The following PTPN2 variants were observed in gnomAD, a reference collection of about 807,000 sequenced individuals.
PTPN2 encodes the protein tyrosine-protein phosphatase non-receptor type 2.
PTPN2 carries 19 observed loss-of-function variants against 57.3 expected under a neutral mutation model. That is an observed-to-expected ratio of 0.33 (90% CI 0.23 to 0.49). PTPN2 has a LOEUF of 0.49. Ranked by LOEUF, PTPN2 falls within the 20% of genes least tolerant of loss-of-function variation. The pLI is 0.99. For missense variants in PTPN2, 358 were observed against 501.1 expected, an observed-to-expected ratio of 0.71 and a Z score of 2.73; for synonymous variants, 153 against 164.9, an observed-to-expected ratio of 0.93 and a Z score of 0.55.
At chr18:12,868,408 C>T (rs911159315) in intron 1 of PTPN2, among the ~76,000 whole-genome samples, 2 of 151,996 alleles carry the variant, frequency 1.3e-5, no homozygotes, top group East Asian at 2.0e-4. Flanking sequence ...GTGCACATCA[C>T]CATGCCTGGC....
intron 7 of PTPN2, among the ~76,000 whole-genome samples, chr18:12,811,865 CAACCCA>C (rs142887916): frequency 0.15 from 23,560 of 152,146 alleles, 1,995 homozygotes; most frequent in African/African-American, 0.21. Context: ...CACGTTGCAC[CAACCCA>C]TGAGTCACTG....
In PTPN2 at chr18:12,792,308, A is replaced by C; in HGVS notation, c.*1970T>G. The stretch of plus-strand genomic sequence containing the variant: ...TTTTTTTTTTTTTTTTTTTGAGACG[A>C]AGTCTTGCTCTGTTGCCAGGCTGGA... On this transcript the variant is annotated 3_prime_UTR_variant, in exon 9 of 9. Coordinates refer to ENST00000309660, the MANE Select transcript of PTPN2 (RefSeq NM_002828.4). The C allele has an allele frequency of 1.3e-6, 1 of 793,648 alleles. No homozygotes were observed. The highest frequency in any genetic ancestry group is 5.6e-5 in the South Asian group (1 of 17,834). The allele number at this position is 793,648 out of a possible 1,614,324, so 49.2% of individuals were successfully genotyped here.
rs2041869724 is a variant in PTPN2 at position 12,810,917 on chromosome 18, T to C, written c.858+3286A>G. Among the ~76,000 whole-genome samples, 2 of 152,170 alleles carry C rather than the reference T, an allele frequency of 1.3e-5. 1 individual carries two copies. Among genetic ancestry groups the C allele is most frequent in the South Asian group, 4.2e-4 (2 of 4,818 alleles). ...ACAATATAATGGAACACAGGAGTAA[T>C]TAAGGATGTCTTCACTTAGATGACT... On this transcript the variant is annotated intron_variant, in intron 7 of 8. Transcript: ENST00000309660.
At chr18:12,845,161 G>T (rs979418235) in intron 2 of PTPN2, among the ~76,000 whole-genome samples, 2 of 152,026 alleles carry the variant, frequency 1.3e-5, no homozygotes, top group Non-Finnish European at 2.9e-5. Flanking sequence ...CCACATAAAA[G>T]AATAAGCTTG....
At position 12,794,199 on chromosome 18, in the gene PTPN2, T is replaced by C. The variant is rs2041076901; in HGVS notation, c.*79A>G. 2 of 1,580,504 alleles carry C rather than the reference T, an allele frequency of 1.3e-6. No homozygotes were observed. Among genetic ancestry groups the C allele is most frequent in the African/African-American group, 2.7e-5 (2 of 73,428 alleles). ...TGCACCGTTTTTGGGATATGAGGCG[T>C]TTGCTGCAGACAAACCCCTATGATT... On this transcript the variant is annotated 3_prime_UTR_variant, in exon 9 of 9. Transcript: ENST00000309660.
chr18:12,790,752 A>G, downstream of PTPN2, among the ~76,000 whole-genome samples: 1 of 152,214 alleles, frequency 6.6e-6, no homozygotes, highest in East Asian at 1.9e-4. Context: ...CATACCACCA[A>G]CTTTAGTTTA....
downstream of PTPN2, among the ~76,000 whole-genome samples, chr18:12,791,817 G>A (rs1257169002): frequency 1.3e-5 from 2 of 152,106 alleles, no homozygotes; most frequent in African/African-American, 4.8e-5. Context: ...AGCCAATGAA[G>A]CGCATTCAGC....
intron 8 of PTPN2, among the ~76,000 whole-genome samples, chr18:12,800,374 C>G (rs1226065999): frequency 6.6e-6 from 1 of 151,910 alleles, no homozygotes; most frequent in East Asian, 1.9e-4. Context: ...GGGGAAAAAG[C>G]AGTAACACTA....
intron 1 of PTPN2, among the ~76,000 whole-genome samples, chr18:12,873,865 A>G (rs1042861609): frequency 6.9e-6 from 1 of 144,414 alleles, no homozygotes; most frequent in Non-Finnish European, 1.5e-5. Flanking sequence ...CCGGCTGCCC[A>G]TCGTCTGAGA....
intron 4 of PTPN2, among the ~76,000 whole-genome samples, chr18:12,826,453 T>C (rs190044954): frequency 1.3e-5 from 2 of 152,328 alleles, no homozygotes; most frequent in East Asian, 3.9e-4. Context: ...TTTTTATGTG[T>C]GTGCAGTCAT....
chr18:12,848,283 T>G (rs2043280278), intron 2 of PTPN2, among the ~76,000 whole-genome samples: 1 of 152,224 alleles, frequency 6.6e-6, no homozygotes, highest in Admixed American at 6.5e-5. Context: ...TAATAATTCT[T>G]TGACTTGTCT....
At chr18:12,815,398 G>A (rs558144250) in intron 6 of PTPN2, among the ~76,000 whole-genome samples, 16 of 151,720 alleles carry the variant, frequency 1.1e-4, no homozygotes, top group Non-Finnish European at 1.9e-4. Flanking sequence ...GCAACAGAGC[G>A]AAACTTCGTC....
intron 7 of PTPN2, among the ~76,000 whole-genome samples, chr18:12,806,308 A>G: frequency 6.6e-6 from 1 of 152,204 alleles, no homozygotes; most frequent in East Asian, 1.9e-4. Context: ...AAAAAGTTGA[A>G]GAGGACACAA....
chr18:12,847,812 G>A (rs1015344229), intron 2 of PTPN2, among the ~76,000 whole-genome samples: 1 of 151,350 alleles, frequency 6.6e-6, no homozygotes, highest in African/African-American at 2.4e-5. Context: ...AGTAGAGACG[G>A]GGTTTCACCA....
intron 2 of PTPN2, among the ~76,000 whole-genome samples, chr18:12,856,814 C>T (rs1359178839): frequency 6.6e-6 from 1 of 151,952 alleles, no homozygotes. Context: ...AATCCCAGCA[C>T]TTTGGGAGAC....
chr18:12,808,427 T>C (rs1302981321), intron 7 of PTPN2, among the ~76,000 whole-genome samples: 1 of 152,140 alleles, frequency 6.6e-6, no homozygotes, highest in African/African-American at 2.4e-5. Context: ...GGTCATTACA[T>C]AAATGTATCA....
intron 4 of PTPN2, 76 bp from the exon 5 acceptor site, chr18:12,826,020 C>A: frequency 8.0e-7 from 1 of 1,248,428 alleles, no homozygotes; most frequent in South Asian, 1.5e-5. Context: ...AAAATGAAAA[C>A]AAACCAGATA....
chr18:12,797,964 G>A (rs567285972), intron 8 of PTPN2, among the ~76,000 whole-genome samples: 30 of 152,240 alleles, frequency 2.0e-4, no homozygotes, highest in Non-Finnish European at 3.7e-4. Flanking sequence ...AGGCTCAAGT[G>A]ATCCACCCGC....
intron 5 of PTPN2, among the ~76,000 whole-genome samples, chr18:12,819,455 A>G (rs956615737): frequency 6.6e-6 from 1 of 152,112 alleles, no homozygotes; most frequent in African/African-American, 2.4e-5. Flanking sequence ...ACAGAAACAG[A>G]AACCAGATTA....
Sources: allele counts gnomAD v4.1 joint callset (sites outside exome capture counted in the v4.1 genomes callset), GRCh38; gene constraint gnomAD v4.1.1; transcripts MANE v1.5; gene names NCBI Gene and HGNC (gene_info 2026-07-23, HGNC 2026-07-21).